CFAP47: variants seen among roughly 807,000 people sequenced by gnomAD.
CFAP47 encodes the protein cilia and flagella associated protein 47.
In CFAP47, 29 loss-of-function variants were observed where a neutral mutation model predicts 148.1. That is an observed-to-expected ratio of 0.20 (90% CI 0.15 to 0.27). The LOEUF is 0.27. Ranked by LOEUF, CFAP47 falls within the 10% of genes least tolerant of loss-of-function variation. The probability of loss-of-function intolerance (pLI) is 1.00; values close to 1 mark genes in which losing one functional copy is unlikely to be tolerated. For synonymous variants in CFAP47, 664 were observed against 577.3 expected (o/e 1.15, Z -2.15); for missense variants, 1,872 against 1,697.5 (o/e 1.10, Z -1.81).
intron 41 of CFAP47, 90 bp downstream of exon 41, chrX:36,188,780 G>A: frequency 3.5e-6 from 1 of 286,857 alleles, no homozygotes; most frequent in Non-Finnish European, 6.1e-6. Context: ...AACAGGGATG[G>A]TTACAAGAAT....
chrX:36,068,268 T>A, intron 27 of CFAP47, among the ~76,000 whole-genome samples: 1 of 112,126 alleles, frequency 8.9e-6, no homozygotes, highest in East Asian at 2.8e-4. Flanking sequence ...CTCATAGCTC[T>A]GTGCAATTCT....
Position 36,079,283 on chromosome X carries a change from T to G in CFAP47, c.4691+5919T>G, listed in dbSNP as rs748338123. On this transcript the variant is annotated intron_variant, in intron 29 of 63. Transcript: ENST00000378653. ...TCCTGCAGAGTGTTTTCCAACTTGGTTCCATTCTCCCCGTCACTTTCAGGT... is the reference window on the plus strand; with the variant it reads ...TCCTGCAGAGTGTTTTCCAACTTGGGTCCATTCTCCCCGTCACTTTCAGGT... 5.2e-4 allele frequency among the ~76,000 whole-genome samples: 58 copies of G among 112,237 alleles called. 1 individual carries two copies. The highest frequency in any genetic ancestry group is 7.5e-5 in the Non-Finnish European group (4 of 53,271).
chrX:36,280,545 T>C lies in CFAP47; in HGVS notation c.7503T>C (p.Tyr2501=). ...RCTTRRKHDD[Y]EEDTDQDQAL... ...CTACAAGAAGGAAACATGATGATTA[T>C]GAGGAAGACACAGATCAAGATCAAG... Residue 2501 remains tyrosine, a synonymous_variant, in exon 50 of 64, where the codon TAT becomes TAC. Transcript: ENST00000378653. 1 of 509,685 alleles carries C rather than the reference T, an allele frequency of 2.0e-6. No homozygotes were observed. The highest frequency in any genetic ancestry group is 3.7e-5 in the East Asian group (1 of 27,368). 42.0% of individuals were successfully genotyped at this position (509,685 alleles called of 1,213,427 possible). A position where few individuals can be genotyped will look rare whatever the true frequency, so the allele number is the denominator to read the frequency against.
In CFAP47 at chrX:36,149,175, C is replaced by T; in HGVS notation, c.5738C>T (p.Ala1913Val). 3 of 296,762 alleles carry T rather than the reference C, an allele frequency of 1.0e-5. No homozygotes were observed. In the East Asian group the frequency reaches 1.4e-4, roughly 14 times the overall value. 24.5% of individuals were successfully genotyped at this position (296,762 alleles called of 1,213,427 possible). The change falls in exon 37 of 64, where the codon GCT becomes GTT. Residue 1913 changes from alanine (A) to valine (V), a missense_variant. Coordinates refer to ENST00000378653, the MANE Select transcript of CFAP47 (RefSeq NM_001304548.2). Reference sequence around the variant, plus strand: ...GCTAGAATTGTTGGAAGAGATGCTGCTGACTTCTCCCTTTCCCAAAAAGGG... The same window carrying T: ...GCTAGAATTGTTGGAAGAGATGCTGTTGACTTCTCCCTTTCCCAAAAAGGG... ...YNARIVGRDA[A>V]DFSLSQKGNV...
chrX:36,119,023 A>T (rs999048612), intron 33 of CFAP47, among the ~76,000 whole-genome samples: 5 of 111,789 alleles, frequency 4.5e-5, no homozygotes, highest in African/African-American at 9.8e-5. Flanking sequence ...TCAAACAAGG[A>T]TAATTTGACT....
chrX:36,206,197 A>G (rs2146885641), intron 45 of CFAP47, among the ~76,000 whole-genome samples: 1 of 112,279 alleles, frequency 8.9e-6, no homozygotes, highest in Non-Finnish European at 1.9e-5. Context: ...ACGGAGGGAT[A>G]TTTGGCTTAC....
intron 57 of CFAP47, among the ~76,000 whole-genome samples, chrX:36,342,911 G>C (rs868910894): frequency 9.0e-6 from 1 of 110,883 alleles, no homozygotes; most frequent in Non-Finnish European, 1.9e-5. Flanking sequence ...TGTCATCTAG[G>C]TTTTAAGCCC....
At chrX:36,268,222 G>A (rs961128088) in intron 49 of CFAP47, among the ~76,000 whole-genome samples, 11 of 113,476 alleles carry the variant, frequency 9.7e-5, no homozygotes. Context: ...ATGAATAGAA[G>A]AAGCAATGCA....
At chrX:36,195,362 G>A (rs1170067698) in intron 42 of CFAP47, among the ~76,000 whole-genome samples, 7 of 112,217 alleles carry the variant, frequency 6.2e-5, no homozygotes, top group Admixed American at 1.9e-4. Context: ...TGTACACATG[G>A]ATTAATGATT....
chrX:35,955,617 G>T (rs1359705862), intron 7 of CFAP47, among the ~76,000 whole-genome samples: 4 of 111,474 alleles, frequency 3.6e-5, no homozygotes, highest in African/African-American at 1.3e-4. Flanking sequence ...ACATAAAACA[G>T]AATCCCCAAG....
intron 51 of CFAP47, among the ~76,000 whole-genome samples, chrX:36,290,088 A>T (rs1468816768): frequency 1.2e-5 from 1 of 83,473 alleles, no homozygotes; most frequent in Non-Finnish European, 2.3e-5. Context: ...TCGCCCCCGC[A>T]CCTTAGTTCT....
At chrX:35,986,300 G>A (rs771561845) in intron 15 of CFAP47, among the ~76,000 whole-genome samples, 7 of 109,543 alleles carry the variant, frequency 6.4e-5, no homozygotes, top group East Asian at 2.9e-4. Flanking sequence ...GGCTTTGTTC[G>A]TTCCTTTTCA....
chrX:36,275,415 CGTGTGTGT>C (rs35781816), intron 49 of CFAP47, among the ~76,000 whole-genome samples: 53 of 87,737 alleles, frequency 6.0e-4, no homozygotes, highest in African/African-American at 1.8e-3. Flanking sequence ...GTGAGATCGT[CGTGTGTGT>C]GTGTGTGTGT....
intron 7 of CFAP47, among the ~76,000 whole-genome samples, chrX:35,955,718 A>G (rs188345006): frequency 1.8e-5 from 2 of 112,273 alleles, no homozygotes; most frequent in East Asian, 5.6e-4. Context: ...TATTTGGTTG[A>G]TTATTGTCAA....
At chrX:36,093,350 G>T (rs1472154685) in intron 30 of CFAP47, among the ~76,000 whole-genome samples, 1 of 111,394 alleles carries the variant, frequency 9.0e-6, no homozygotes, top group African/African-American at 3.2e-5. Context: ...CTCTGGAATG[G>T]TTGTACTAAT....
At chrX:36,019,248 A>G (rs1296674000) in intron 22 of CFAP47, among the ~76,000 whole-genome samples, 2 of 111,935 alleles carry the variant, frequency 1.8e-5, no homozygotes, top group Admixed American at 9.5e-5. Flanking sequence ...GGCCTCAATC[A>G]GTCAGTGAGA....
intron 3 of CFAP47, among the ~76,000 whole-genome samples, chrX:35,944,845 G>C (rs12007724): frequency 0.094 from 10,493 of 111,783 alleles, 1,231 homozygotes; most frequent in African/African-American, 0.33. Context: ...AGCTGTAGCT[G>C]TGGGTACCCT....
chrX:36,063,643 A>G (rs1226755367), intron 26 of CFAP47, among the ~76,000 whole-genome samples: 1 of 112,116 alleles, frequency 8.9e-6, no homozygotes, highest in East Asian at 2.8e-4. Context: ...TTACCATTTT[A>G]GAAATATTTC....
At chrX:36,009,436 T>C (rs1176213490) in intron 21 of CFAP47, among the ~76,000 whole-genome samples, 2 of 111,921 alleles carry the variant, frequency 1.8e-5, no homozygotes, top group Non-Finnish European at 3.8e-5. Flanking sequence ...GCAAAGTTGT[T>C]GTTGTTTTTT....
Sources: allele counts gnomAD v4.1 joint callset (sites outside exome capture counted in the v4.1 genomes callset), GRCh38; gene constraint gnomAD v4.1.1; transcripts MANE v1.5; gene names NCBI Gene and HGNC (gene_info 2026-07-23, HGNC 2026-07-21).